The following PPP3CA variants were observed in gnomAD, a reference collection of about 807,000 sequenced individuals.
PPP3CA encodes protein phosphatase 3 catalytic subunit alpha.
PPP3CA carries 14 observed loss-of-function variants against 66.5 expected under a neutral mutation model. The ratio of observed to expected loss-of-function variants is 0.21; its 90% CI spans 0.14 to 0.33. The LOEUF is 0.33. Among genes scored for constraint, PPP3CA ranks in the 10% least tolerant of loss-of-function variants. The pLI, the probability that PPP3CA is intolerant of heterozygous loss-of-function variation, is 1.00. For synonymous variants in PPP3CA, 232 were observed against 226.2 expected, an observed-to-expected ratio of 1.03 and a Z score of -0.23; for missense variants, 317 against 639.5, an observed-to-expected ratio of 0.50 and a Z score of 5.44.
chr4:101,346,202 AG>A (rs892376109), intron 1 of PPP3CA, among the ~76,000 whole-genome samples: 3 of 149,850 alleles, frequency 2.0e-5, no homozygotes, highest in East Asian at 2.0e-4. Context: ...GGGGAGGGGG[AG>A]GGGGGCGCGG....
intron 2 of PPP3CA, among the ~76,000 whole-genome samples, chr4:101,173,863 C>A (rs1246123610): frequency 6.6e-6 from 1 of 152,056 alleles, no homozygotes; most frequent in Non-Finnish European, 1.5e-5. Flanking sequence ...CCAGTCTAGG[C>A]AGCAGAGCAA....
chr4:101,270,829 C>T (rs1346522930), intron 1 of PPP3CA, among the ~76,000 whole-genome samples: 1 of 152,000 alleles, frequency 6.6e-6, no homozygotes, highest in Non-Finnish European at 1.5e-5. Flanking sequence ...GCCTAAAAGT[C>T]CTTTTTGTAA....
intron 2 of PPP3CA, among the ~76,000 whole-genome samples, chr4:101,158,948 A>G (rs1399506157): frequency 6.6e-6 from 1 of 152,232 alleles, no homozygotes; most frequent in African/African-American, 2.4e-5. Flanking sequence ...TTATGAATGA[A>G]GATAACTAAG....
In PPP3CA at chr4:101,083,183, C is replaced by T. The variant is rs200227626; in HGVS notation, c.860+3G>A. 16 of 1,485,124 alleles carry T rather than the reference C, an allele frequency of 1.1e-5. No individual in the cohort carries two copies. In the African/African-American group the frequency reaches 2.1e-4, roughly 20 times the overall value. The allele number at this position is 1,485,124 out of a possible 1,614,324, so 92.0% of individuals were successfully genotyped here. On this transcript the variant is annotated splice_donor_region_variant and intron_variant, in intron 7 of 13. Transcript: ENST00000394854. Reference sequence around the variant, plus strand: ...GTTTTTATAAATGCTCAAAACTGCTCACCCTGCATCTTGGGCTTCGTGGGC... The same window carrying T: ...GTTTTTATAAATGCTCAAAACTGCTTACCCTGCATCTTGGGCTTCGTGGGC...
intron 1 of PPP3CA, among the ~76,000 whole-genome samples, chr4:101,272,591 A>G (rs1727368987): frequency 6.6e-6 from 1 of 152,234 alleles, no homozygotes; most frequent in Non-Finnish European, 1.5e-5. Context: ...ACACAAAATT[A>G]TATAGTCAGA....
At chr4:101,284,160 T>C (rs1005422349) in intron 1 of PPP3CA, among the ~76,000 whole-genome samples, 1 of 152,150 alleles carries the variant, frequency 6.6e-6, no homozygotes, top group Non-Finnish European at 1.5e-5. Context: ...GAATCAGGGT[T>C]TGTTTTATGT....
At chr4:101,292,234 A>G (rs971758350) in intron 1 of PPP3CA, among the ~76,000 whole-genome samples, 1 of 152,162 alleles carries the variant, frequency 6.6e-6, no homozygotes, top group Admixed American at 6.5e-5. Flanking sequence ...TTTCTAGCAT[A>G]TTATACATAG....
intron 1 of PPP3CA, among the ~76,000 whole-genome samples, chr4:101,242,942 T>C (rs73833277): frequency 1.2e-3 from 177 of 152,164 alleles, no homozygotes; most frequent in African/African-American, 4.0e-3. Flanking sequence ...CAAGAGCTCA[T>C]TGTACCACTG....
In PPP3CA at chr4:101,025,291, T is replaced by A. The variant is rs544874161; in HGVS notation, c.*574A>T. 7.0e-6 allele frequency: 1 copy of A among 142,214 alleles called. No homozygotes were observed. The highest frequency in any genetic ancestry group is 2.3e-4 in the South Asian group (1 of 4,370). 8.8% of individuals were successfully genotyped at this position (142,214 alleles called of 1,614,324 possible). ...TTTTAACAAATTTGCAACGTTCTTTTTTTTCTTTTTCTGTTTTTTTTTTTT... is the reference window on the plus strand; with the variant it reads ...TTTTAACAAATTTGCAACGTTCTTTATTTTCTTTTTCTGTTTTTTTTTTTT... On this transcript the variant is annotated 3_prime_UTR_variant, in exon 14 of 14. Coordinates refer to ENST00000394854, the MANE Select transcript of PPP3CA (RefSeq NM_000944.5).
chr4:101,026,041 G>T lies in PPP3CA; in HGVS notation c.1390C>A (p.Gln464Lys), dbSNP rs763442265. 1 of 1,599,050 alleles carries T rather than the reference G, an allele frequency of 6.3e-7. No homozygotes were observed. The highest frequency in any genetic ancestry group is 1.1e-5 in the South Asian group (1 of 88,218). ...ADEAIKGFSP[Q>K]HKITSFEEAK... Reference sequence around the variant, plus strand: ...TCCTCGAAGCTAGTGATCTTATGTTGTGGTGAAAATCCTTTGATAGCTAAA... The same window carrying T: ...TCCTCGAAGCTAGTGATCTTATGTTTTGGTGAAAATCCTTTGATAGCTAAA... The change falls in exon 14 of 14, where the codon CAA (glutamine) becomes AAA (lysine). Residue 464 changes from glutamine (Q) to lysine (K), a missense_variant. By Grantham distance (53) the Gln-to-Lys change is moderately conservative. Coordinates refer to ENST00000394854, the MANE Select transcript of PPP3CA (RefSeq NM_000944.5).
At chr4:101,164,299 T>G (rs1244643808) in intron 2 of PPP3CA, among the ~76,000 whole-genome samples, 1 of 152,212 alleles carries the variant, frequency 6.6e-6, no homozygotes, top group Non-Finnish European at 1.5e-5. Flanking sequence ...TTTTATAATT[T>G]ACTTATTTAT....
At chr4:101,155,982 A>T (rs1281469435) in intron 2 of PPP3CA, among the ~76,000 whole-genome samples, 2 of 152,240 alleles carry the variant, frequency 1.3e-5, no homozygotes, top group Non-Finnish European at 2.9e-5. Context: ...TACAAGGTAG[A>T]CAGGGACCCT....
At position 101,068,036 on chromosome 4, in the gene PPP3CA, A is replaced by C. The variant is rs77761719; in HGVS notation, c.956-4679T>G. Among the ~76,000 whole-genome samples the C allele has an allele frequency of 1.7e-3, 262 of 152,214 alleles. 1 individual carries two copies. The highest frequency in any genetic ancestry group is 5.6e-3 in the African/African-American group (234 of 41,524). ...TCTTCACACCACTAGTCCTGATTTT[A>C]AGACAGGGGAGAAGAGGTCAAAAGA... On this transcript the variant is annotated intron_variant, in intron 8 of 13. Coordinates refer to ENST00000394854, the MANE Select transcript of PPP3CA (RefSeq NM_000944.5).
intron 1 of PPP3CA, among the ~76,000 whole-genome samples, chr4:101,320,807 G>A (rs755191381): frequency 3.9e-5 from 6 of 152,000 alleles, no homozygotes; most frequent in Non-Finnish European, 5.9e-5. Context: ...CAGAATCTTC[G>A]GGAGAGATTA....
At chr4:101,176,155 G>A (rs925225066) in intron 2 of PPP3CA, among the ~76,000 whole-genome samples, 1 of 152,086 alleles carries the variant, frequency 6.6e-6, no homozygotes, top group African/African-American at 2.4e-5. Flanking sequence ...AAAATGAGCA[G>A]TACATTAAGG....
intron 10 of PPP3CA, among the ~76,000 whole-genome samples, chr4:101,052,453 T>C (rs1167163266): frequency 6.6e-6 from 1 of 152,038 alleles, no homozygotes; most frequent in Non-Finnish European, 1.5e-5. Context: ...CAGTTTTCTG[T>C]ATTTTATAAA....
rs577671908 is a variant in PPP3CA, at chr4:101,154,296, T to C, written c.259+41620A>G. 1.9e-4 allele frequency among the ~76,000 whole-genome samples: 29 copies of C among 152,246 alleles called. No individual in the cohort carries two copies. In the South Asian group the frequency reaches 2.5e-3, roughly 13 times the overall value. On this transcript the variant is annotated intron_variant, in intron 2 of 13. Coordinates refer to ENST00000394854, the MANE Select transcript of PPP3CA (RefSeq NM_000944.5). ...AAAAGTCAGGTATTCTACCAGTGAA[T>C]AAAAAAGAGAAACATTTTCAAACCC...
intron 1 of PPP3CA, among the ~76,000 whole-genome samples, chr4:101,270,311 GTCTCAATCTATTAC>G (rs1257627946): frequency 4.3e-4 from 65 of 152,102 alleles, no homozygotes; most frequent in Admixed American, 1.2e-3. Flanking sequence ...GTAAATATGT[GTCTCAATCTATTAC>G]TCTATCACAA....
At position 101,127,893 on chromosome 4, in the gene PPP3CA, T is replaced by G. The variant is rs1025911740; in HGVS notation, c.260-18815A>C. ...TTATCATCATTTCCCAGATGGAGAA[T>G]TGAGAAAGATTAAGCAATTGTCCAA... On this transcript the variant is annotated intron_variant, in intron 2 of 13. Coordinates refer to ENST00000394854, the MANE Select transcript of PPP3CA (RefSeq NM_000944.5). Among the ~76,000 whole-genome samples the G allele has an allele frequency of 2.6e-5, 4 of 151,716 alleles. No individual in the cohort carries two copies. In the East Asian group the frequency reaches 7.7e-4, roughly 29 times the overall value.
Sources: gnomAD v4.1 joint callset for allele counts (sites outside exome capture counted in the v4.1 genomes callset) on GRCh38, gnomAD v4.1.1 for gene constraint, MANE v1.5 for transcripts, NCBI Gene and HGNC (gene_info 2026-07-23, HGNC 2026-07-21) for gene names.